The following GRM7 variants were observed in gnomAD, a reference collection of about 807,000 sequenced individuals.
The protein encoded by GRM7 is metabotropic glutamate receptor 7.
GRM7 carries 35 observed loss-of-function variants against 84.5 expected under a neutral mutation model. That is an observed-to-expected ratio of 0.41 (90% CI 0.32 to 0.55). The LOEUF (loss-of-function observed/expected upper bound fraction) is 0.55, where lower values mean the gene tolerates loss of function less well. Among genes scored for constraint, GRM7 ranks in the 20% least tolerant of loss-of-function variants. The pLI, the probability that GRM7 is intolerant of heterozygous loss-of-function variation, is 0.19. For missense variants in GRM7, 1,003 were observed against 1,194.6 expected (o/e 0.84, Z 2.36); for synonymous variants, 487 against 455.1 (o/e 1.07, Z -0.89).
In GRM7 at chr3:7,220,827, G is replaced by A. The variant is rs114472909; in HGVS notation, c.736+74159G>A. Among the ~76,000 whole-genome samples the A allele has an allele frequency of 9.7e-3, 1,469 of 152,172 alleles. 16 individuals carry two copies. Among genetic ancestry groups the A allele is most frequent in the African/African-American group, 0.034 (1,391 of 41,504 alleles). Reference sequence around the variant, plus strand: ...AAAAGAGAATTTTGCAGCTTGGTACGGTGGCTCACACTTGTAATCCCAGCA... The same window carrying A: ...AAAAGAGAATTTTGCAGCTTGGTACAGTGGCTCACACTTGTAATCCCAGCA... On this transcript the variant is annotated intron_variant, in intron 2 of 9. Transcript: ENST00000357716.
intron 7 of GRM7, among the ~76,000 whole-genome samples, chr3:7,561,053 A>G (rs999995677): frequency 2.0e-5 from 3 of 151,934 alleles, no homozygotes; most frequent in African/African-American, 4.8e-5. Context: ...AGTCTCCAAC[A>G]TTTTTTCTTC....
intron 1 of GRM7, among the ~76,000 whole-genome samples, chr3:7,069,056 A>T (rs1697769637): frequency 6.9e-6 from 1 of 145,832 alleles, no homozygotes; most frequent in South Asian, 2.2e-4. Flanking sequence ...GATATACATA[A>T]TTTTATATAT....
intron 8 of GRM7, among the ~76,000 whole-genome samples, chr3:7,593,333 C>T (rs1183879133): frequency 1.3e-5 from 2 of 152,128 alleles, no homozygotes; most frequent in Non-Finnish European, 2.9e-5. Context: ...ATTGATTCAT[C>T]CCACTAATGT....
chr3:7,567,039 C>T (rs1181854364), intron 7 of GRM7, among the ~76,000 whole-genome samples: 2 of 152,018 alleles, frequency 1.3e-5, no homozygotes, highest in African/African-American at 2.4e-5. Context: ...CAATGAAATC[C>T]GTTCTTGATG....
chr3:7,153,602 G>A (rs1392525938), intron 2 of GRM7, among the ~76,000 whole-genome samples: 1 of 152,058 alleles, frequency 6.6e-6, no homozygotes, highest in Non-Finnish European at 1.5e-5. Flanking sequence ...TAAAGCAGTT[G>A]AAAGTTTTTC....
intron 9 of GRM7, among the ~76,000 whole-genome samples, chr3:7,713,795 CTTTTTTT>C (rs60007117): frequency 3.1e-5 from 2 of 64,748 alleles, no homozygotes; most frequent in African/African-American, 5.1e-5. Context: ...CGGATGCTTT[CTTTTTTT>C]TTTTTTTTTT....
At chr3:7,172,512 A>C in intron 2 of GRM7, among the ~76,000 whole-genome samples, 1 of 151,708 alleles carries the variant, frequency 6.6e-6, no homozygotes. Flanking sequence ...CACCAACCCC[A>C]GGACATCCGT....
intron 1 of GRM7, among the ~76,000 whole-genome samples, chr3:6,908,276 C>T (rs1223539169): frequency 6.6e-6 from 1 of 152,166 alleles, no homozygotes; most frequent in African/African-American, 2.4e-5. Context: ...AATCTGCTTA[C>T]GCGGTTCTTT....
At chr3:6,870,073 C>T (rs1044238665) in intron 1 of GRM7, among the ~76,000 whole-genome samples, 3 of 151,816 alleles carry the variant, frequency 2.0e-5, no homozygotes, top group Non-Finnish European at 2.9e-5. Context: ...ACTCTCTCCT[C>T]CCTCCTCTCT....
At position 7,236,930 on chromosome 3, in the gene GRM7, G is replaced by A. The variant is rs144754843; in HGVS notation, c.737-61754G>A. Reference sequence around the variant, plus strand: ...CTCTCAGATATAGAAGAAATTCTTCGTTTTATTTACTCGTTCTTTCTCAGC... The same window carrying A: ...CTCTCAGATATAGAAGAAATTCTTCATTTTATTTACTCGTTCTTTCTCAGC... On this transcript the variant is annotated intron_variant, in intron 2 of 9. Transcript: ENST00000357716. Among the ~76,000 whole-genome samples, 358 of 152,230 alleles carry A rather than the reference G, an allele frequency of 2.4e-3. 1 individual carries two copies. The highest frequency in any genetic ancestry group is 8.0e-3 in the African/African-American group (333 of 41,546).
intron 1 of GRM7, among the ~76,000 whole-genome samples, chr3:6,885,205 G>A (rs1695645659): frequency 1.3e-5 from 2 of 152,106 alleles, no homozygotes; most frequent in South Asian, 2.1e-4. Flanking sequence ...GTTAAACAAC[G>A]ACTTTTATTG....
intron 1 of GRM7, among the ~76,000 whole-genome samples, chr3:6,952,383 G>A (rs1454368649): frequency 6.6e-6 from 1 of 152,166 alleles, no homozygotes; most frequent in Non-Finnish European, 1.5e-5. Flanking sequence ...GCACCAAACA[G>A]CACTCTGCTA....
chr3:7,128,108 TATA>T (rs1225554521), intron 1 of GRM7, among the ~76,000 whole-genome samples: 1 of 151,418 alleles, frequency 6.6e-6, no homozygotes, highest in Non-Finnish European at 1.5e-5. Context: ...ATATAATACT[TATA>T]ATAATATTTA....
intron 4 of GRM7, among the ~76,000 whole-genome samples, chr3:7,340,945 G>C (rs1324415136): frequency 6.6e-6 from 1 of 152,078 alleles, no homozygotes; most frequent in East Asian, 1.9e-4. Context: ...TCCCCTGCTT[G>C]TACCTGGCAC....
intron 9 of GRM7, among the ~76,000 whole-genome samples, chr3:7,697,910 C>G (rs1701080108): frequency 6.6e-6 from 1 of 152,072 alleles, no homozygotes; most frequent in Admixed American, 6.6e-5. Flanking sequence ...TGCAAATGCC[C>G]AATTTAAAAC....
chr3:7,402,768 C>T (rs1056185772), intron 4 of GRM7, among the ~76,000 whole-genome samples: 8 of 149,250 alleles, frequency 5.4e-5, no homozygotes, highest in Non-Finnish European at 7.4e-5. Context: ...GTCATGCATT[C>T]GGGACACTGG....
At chr3:7,430,642 C>G (rs1182883407) in intron 5 of GRM7, among the ~76,000 whole-genome samples, 1 of 152,200 alleles carries the variant, frequency 6.6e-6, no homozygotes, top group East Asian at 1.9e-4. Flanking sequence ...GTCTACAAAA[C>G]TCTTGTGCAG....
chr3:7,181,937 T>C (rs1393232250), intron 2 of GRM7, among the ~76,000 whole-genome samples: 1 of 152,114 alleles, frequency 6.6e-6, no homozygotes, highest in African/African-American at 2.4e-5. Context: ...ACATAGAACT[T>C]AAAAAAGAAG....
intron 1 of GRM7, among the ~76,000 whole-genome samples, chr3:6,954,349 C>T (rs1037418701): frequency 2.6e-5 from 4 of 152,274 alleles, no homozygotes; most frequent in Non-Finnish European, 5.9e-5. Flanking sequence ...TTGTTTTTAA[C>T]TATAGTCACC....
Sources: gnomAD v4.1 joint callset for allele counts (sites outside exome capture counted in the v4.1 genomes callset) on GRCh38, gnomAD v4.1.1 for gene constraint, MANE v1.5 for transcripts, NCBI Gene and HGNC (gene_info 2026-07-23, HGNC 2026-07-21) for gene names.